MYCBP2: variants seen among roughly 807,000 people sequenced by gnomAD.
The protein encoded by MYCBP2 is MYC binding protein 2.
MYCBP2 carries 120 observed loss-of-function variants against 525.3 expected under a neutral mutation model. The observed-to-expected ratio is 0.23, with a 90% CI of 0.20 to 0.27. The LOEUF is 0.27. Ranked by LOEUF, MYCBP2 falls within the 10% of genes least tolerant of loss-of-function variation. The pLI, the probability that MYCBP2 is intolerant of heterozygous loss-of-function variation, is 1.00. For missense variants in MYCBP2, 4,149 were observed against 5,657.1 expected, an observed-to-expected ratio of 0.73 and a Z score of 8.55; for synonymous variants, 1,894 against 1,955.8, an observed-to-expected ratio of 0.97 and a Z score of 0.83.
intron 32 of MYCBP2, 23 bp from the exon 33 acceptor site, chr13:77,181,945 C>A: frequency 6.3e-7 from 1 of 1,578,814 alleles, no homozygotes; most frequent in Non-Finnish European, 8.7e-7. Context: ...AAAATATGGC[C>A]CCCCAACCAA....
intron 48 of MYCBP2, among the ~76,000 whole-genome samples, chr13:77,145,556 T>C: frequency 6.6e-6 from 1 of 152,178 alleles, no homozygotes; most frequent in Non-Finnish European, 1.5e-5. Context: ...CAAACTGGTA[T>C]TTCCAGCCTA....
rs577118377 is a variant in MYCBP2 at position 77,161,708 on chromosome 13, C to A, written c.6597+198G>T. Among the ~76,000 whole-genome samples the A allele has an allele frequency of 2.6e-5, 4 of 152,292 alleles. 1 individual carries two copies. The South Asian group carries it at 8.3e-4, about 32-fold the overall frequency. On this transcript the variant is annotated intron_variant, in intron 44 of 82. Transcript: ENST00000544440. ...TTTTGTCTAACTCCAGAGTCAATTA[C>A]CCACCAAATACATAGGGCTCACATG...
At chr13:77,187,766 G>A (rs997321168) in intron 30 of MYCBP2, among the ~76,000 whole-genome samples, 2 of 151,690 alleles carry the variant, frequency 1.3e-5, no homozygotes, top group Admixed American at 1.3e-4. Flanking sequence ...GTCTGGGAAG[G>A]CCGGGTGCGG....
At chr13:77,181,234 A>C (rs1317631120) in intron 33 of MYCBP2, among the ~76,000 whole-genome samples, 1 of 152,208 alleles carries the variant, frequency 6.6e-6, no homozygotes, top group Non-Finnish European at 1.5e-5. Context: ...CAGCATGAAA[A>C]TGATTTATGT....
intron 17 of MYCBP2, among the ~76,000 whole-genome samples, chr13:77,235,625 G>T (rs2067805138): frequency 6.6e-6 from 1 of 151,968 alleles, no homozygotes; most frequent in African/African-American, 2.4e-5. Context: ...ACAAATCATG[G>T]TACTAACAGG....
At chr13:77,155,816 C>G (rs1200067436) in intron 46 of MYCBP2, among the ~76,000 whole-genome samples, 3 of 151,980 alleles carry the variant, frequency 2.0e-5, no homozygotes, top group Admixed American at 6.5e-5. Flanking sequence ...CTTTCTTATC[C>G]CTCCTTTGAG....
intron 17 of MYCBP2, among the ~76,000 whole-genome samples, chr13:77,237,416 G>C (rs1210148621): frequency 6.6e-6 from 1 of 151,722 alleles, no homozygotes; most frequent in Non-Finnish European, 1.5e-5. Context: ...TTTACTTTGA[G>C]GGGGGGATGG....
intron 54 of MYCBP2, among the ~76,000 whole-genome samples, chr13:77,121,724 G>T (rs1230385504): frequency 2.6e-5 from 4 of 152,062 alleles, no homozygotes; most frequent in African/African-American, 9.7e-5. Flanking sequence ...AAATGAGATA[G>T]GCTCTTATGA....
chr13:77,310,856 C>G (rs2080112121), intron 1 of MYCBP2, among the ~76,000 whole-genome samples: 1 of 151,674 alleles, frequency 6.6e-6, no homozygotes, highest in South Asian at 2.1e-4. Flanking sequence ...AAGGGAAAAT[C>G]TTTTTTTAAA....
At chr13:77,317,728 G>C (rs2081118806) in intron 1 of MYCBP2, among the ~76,000 whole-genome samples, 1 of 152,110 alleles carries the variant, frequency 6.6e-6, no homozygotes, top group Non-Finnish European at 1.5e-5. Flanking sequence ...CACGAGGTCA[G>C]GAGTTCGAGA....
chr13:77,225,294 C>G, intron 19 of MYCBP2, 141 bp downstream of exon 19: 1 of 1,021,530 alleles, frequency 9.8e-7, no homozygotes, highest in Non-Finnish European at 1.4e-6. Flanking sequence ...GTAATAAATA[C>G]AAAGGTCTTA....
chr13:77,199,905 C>T (rs1256565458), intron 26 of MYCBP2, among the ~76,000 whole-genome samples: 1 of 152,158 alleles, frequency 6.6e-6, no homozygotes, highest in Non-Finnish European at 1.5e-5. Flanking sequence ...TCACCATCAT[C>T]AAAGACCAAA....
At chr13:77,252,343 C>A (rs1390012770) in intron 14 of MYCBP2, among the ~76,000 whole-genome samples, 1 of 152,176 alleles carries the variant, frequency 6.6e-6, no homozygotes, top group Non-Finnish European at 1.5e-5. Flanking sequence ...TCAGGTTATA[C>A]TCTGCAGACC....
chr13:77,082,167 T>C (rs2043409644), intron 63 of MYCBP2, 174 bp from the exon 64 acceptor site: 1 of 563,594 alleles, frequency 1.8e-6, no homozygotes, highest in African/African-American at 1.9e-5. Flanking sequence ...TTTTGAGAAA[T>C]AAAGGTAACT....
intron 4 of MYCBP2, among the ~76,000 whole-genome samples, chr13:77,277,979 G>A (rs1277922258): frequency 6.6e-6 from 1 of 152,132 alleles, no homozygotes; most frequent in African/African-American, 2.4e-5. Flanking sequence ...TTATTTAAAG[G>A]ATTACATGTT....
At chr13:77,141,901 C>T (rs938375706) in intron 49 of MYCBP2, among the ~76,000 whole-genome samples, 1 of 151,908 alleles carries the variant, frequency 6.6e-6, no homozygotes, top group African/African-American at 2.4e-5. Context: ...CAAGCAAGGT[C>T]GCAGCCCATT....
At chr13:77,231,173 C>A (rs2067083784) in intron 18 of MYCBP2, among the ~76,000 whole-genome samples, 1 of 152,148 alleles carries the variant, frequency 6.6e-6, no homozygotes, top group African/African-American at 2.4e-5. Context: ...AAAACTGGTC[C>A]TACACTGTGA....
At chr13:77,124,555 T>C (rs1427536383) in intron 54 of MYCBP2, among the ~76,000 whole-genome samples, 2 of 152,206 alleles carry the variant, frequency 1.3e-5, no homozygotes, top group Admixed American at 6.5e-5. Context: ...GAGCAACTAG[T>C]ATGTGTCAAA....
intron 1 of MYCBP2, among the ~76,000 whole-genome samples, chr13:77,308,951 T>G (rs1878732063): frequency 1.3e-5 from 2 of 152,220 alleles, no homozygotes; most frequent in Admixed American, 1.3e-4. Flanking sequence ...TGAGTTGCCC[T>G]GCACACAGGC....
Sources: allele counts gnomAD v4.1 joint callset (sites outside exome capture counted in the v4.1 genomes callset), GRCh38; gene constraint gnomAD v4.1.1; transcripts MANE v1.5; gene names NCBI Gene and HGNC (gene_info 2026-07-23, HGNC 2026-07-21).